The following SHISA9 variants were observed in gnomAD, a reference collection of about 807,000 sequenced individuals.
SHISA9 encodes shisa family member 9.
Under a neutral mutation model 38.0 loss-of-function variants are expected in SHISA9, and 13 were observed. The ratio of observed to expected loss-of-function variants is 0.34; its 90% CI spans 0.22 to 0.54. The LOEUF is 0.54. Among genes scored for constraint, SHISA9 ranks in the 20% least tolerant of loss-of-function variants. SHISA9 has a pLI of 0.91. For synonymous variants in SHISA9, 275 were observed against 242.0 expected, an observed-to-expected ratio of 1.14 and a Z score of -1.27; for missense variants, 538 against 575.8, an observed-to-expected ratio of 0.93 and a Z score of 0.67.
At chr16:13,130,366 G>C (rs2050296040) in intron 2 of SHISA9, among the ~76,000 whole-genome samples, 2 of 152,106 alleles carry the variant, frequency 1.3e-5, no homozygotes, top group Non-Finnish European at 2.9e-5. Context: ...TAATTGGTGG[G>C]ACTTGGATTC....
chr16:13,046,431 G>A (rs190689717), intron 2 of SHISA9, among the ~76,000 whole-genome samples: 8 of 149,496 alleles, frequency 5.4e-5, no homozygotes, highest in African/African-American at 1.7e-4. Context: ...CCTGGGGAAA[G>A]CCAGGGAGGA....
the SHISA9 span, among the ~76,000 whole-genome samples, chr16:13,344,238 G>T: frequency 4.7e-4 from 71 of 152,296 alleles, 1 homozygote; most frequent in Middle Eastern, 0.024. Flanking sequence ...TTTGTGGAGG[G>T]TGAGGGTGGA....
At chr16:13,426,509 A>C in the SHISA9 span, among the ~76,000 whole-genome samples, 2 of 152,312 alleles carry the variant, frequency 1.3e-5, no homozygotes, top group African/African-American at 4.8e-5. Flanking sequence ...GGGTGATGGA[A>C]GTTTATGGCC....
intron 2 of SHISA9, among the ~76,000 whole-genome samples, chr16:13,139,023 G>T (rs1156812185): frequency 6.6e-6 from 1 of 152,062 alleles, no homozygotes; most frequent in Non-Finnish European, 1.5e-5. Flanking sequence ...TCAAACGTGG[G>T]GTACTAAGTT....
At chr16:12,936,566 G>C (rs2071536214) in intron 2 of SHISA9, among the ~76,000 whole-genome samples, 1 of 152,230 alleles carries the variant, frequency 6.6e-6, no homozygotes, top group Non-Finnish European at 1.5e-5. Flanking sequence ...TGAGATGGGA[G>C]ACATGAGTCT....
chr16:12,997,964 G>A (rs924494145), intron 2 of SHISA9, among the ~76,000 whole-genome samples: 4 of 152,174 alleles, frequency 2.6e-5, no homozygotes, highest in Non-Finnish European at 4.4e-5. Context: ...GCGTGTAATA[G>A]GATAGAATGC....
intron 2 of SHISA9, among the ~76,000 whole-genome samples, chr16:12,958,137 C>T (rs1356845586): frequency 1.3e-5 from 2 of 152,176 alleles, no homozygotes; most frequent in South Asian, 2.1e-4. Flanking sequence ...AAATGGGCCC[C>T]GACATCACTT....
At chr16:13,112,573 A>G (rs192485907) in intron 2 of SHISA9, among the ~76,000 whole-genome samples, 11 of 152,264 alleles carry the variant, frequency 7.2e-5, no homozygotes, top group Admixed American at 7.2e-4. Flanking sequence ...TTCTGAGCAA[A>G]CAAACTCAGG....
At position 13,011,319 on chromosome 16, in the gene SHISA9, A is replaced by ATTTT. The variant is rs55755155; in HGVS notation, c.691+94518_691+94521dup. On this transcript the variant is annotated intron_variant, in intron 2 of 4. Transcript: ENST00000558583. ...TAACCATCATCTCATATTAGCACTC[A>ATTTT]TTTTTTTTTTTTTTTTTGGCAAGAG... 5.4e-3 allele frequency among the ~76,000 whole-genome samples: 689 copies of ATTTT among 127,682 alleles called. 20 individuals carry two copies. The highest frequency in any genetic ancestry group is 0.017 in the East Asian group (74 of 4,364). The allele number at this position is 127,682 out of a possible 152,430, so 83.8% of individuals were successfully genotyped here. A position where few individuals can be genotyped will look rare whatever the true frequency, so the allele number is the denominator to read the frequency against.
chr16:13,426,498 A>G, the SHISA9 span, among the ~76,000 whole-genome samples: 1 of 152,192 alleles, frequency 6.6e-6, no homozygotes, highest in Admixed American at 6.5e-5. Context: ...CCCTGCCATC[A>G]GGGTGATGGA....
At chr16:13,408,954 G>T in the SHISA9 span, among the ~76,000 whole-genome samples, 1 of 152,180 alleles carries the variant, frequency 6.6e-6, no homozygotes, top group East Asian at 1.9e-4. Flanking sequence ...AGAGAGAACA[G>T]GTATTCTTGT....
chr16:13,371,050 C>T, the SHISA9 span, among the ~76,000 whole-genome samples: 1 of 152,116 alleles, frequency 6.6e-6, no homozygotes, highest in South Asian at 2.1e-4. Context: ...CTGATTCTGT[C>T]GACTCCACTA....
chr16:13,543,373 T>C, the SHISA9 span, among the ~76,000 whole-genome samples: 2 of 152,172 alleles, frequency 1.3e-5, no homozygotes, highest in African/African-American at 4.8e-5. Flanking sequence ...TAGAAGACCT[T>C]GAACAAATAT....
At chr16:13,400,034 C>T in the SHISA9 span, among the ~76,000 whole-genome samples, 18 of 152,350 alleles carry the variant, frequency 1.2e-4, no homozygotes, top group Admixed American at 7.8e-4. Context: ...CATCTCAGAA[C>T]TCATCTCTAC....
chr16:13,450,121 A>G, the SHISA9 span, among the ~76,000 whole-genome samples: 41 of 152,164 alleles, frequency 2.7e-4, no homozygotes, highest in Non-Finnish European at 3.5e-4. Flanking sequence ...TGTGTAAAAA[A>G]AAATACACAC....
chr16:13,503,260 G>A, the SHISA9 span, among the ~76,000 whole-genome samples: 8 of 152,290 alleles, frequency 5.3e-5, no homozygotes, highest in African/African-American at 9.6e-5. Context: ...CTAGTATAGC[G>A]ATATAGACAG....
At chr16:12,951,151 G>T (rs1292665781) in intron 2 of SHISA9, among the ~76,000 whole-genome samples, 2 of 139,296 alleles carry the variant, frequency 1.4e-5, no homozygotes, top group Non-Finnish European at 1.5e-5. Context: ...AACCCAGGAG[G>T]TGGAGGTTGC....
At chr16:13,083,574 C>A (rs768403845) in intron 2 of SHISA9, among the ~76,000 whole-genome samples, 8 of 152,140 alleles carry the variant, frequency 5.3e-5, no homozygotes, top group Non-Finnish European at 1.2e-4. Flanking sequence ...ATTCTTCAGC[C>A]TGATTCCATG....
intron 1 of SHISA9, among the ~76,000 whole-genome samples, chr16:12,903,942 T>C (rs891276974): frequency 7.7e-6 from 1 of 129,932 alleles, no homozygotes; most frequent in African/African-American, 2.6e-5. Flanking sequence ...TCCGATGAGA[T>C]TTTTTTTTTT....
Sources: gnomAD v4.1 joint callset for allele counts (sites outside exome capture counted in the v4.1 genomes callset) on GRCh38, gnomAD v4.1.1 for gene constraint, MANE v1.5 for transcripts, NCBI Gene and HGNC (gene_info 2026-07-23, HGNC 2026-07-21) for gene names.